The following APBB2 variants were observed in gnomAD, a reference collection of about 807,000 sequenced individuals.
The protein encoded by APBB2 is amyloid beta precursor protein binding family B member 2.
In APBB2, 38 loss-of-function variants were observed where a neutral mutation model predicts 82.5. That is an observed-to-expected ratio of 0.46 (90% CI 0.36 to 0.60). APBB2 has a LOEUF of 0.60. Ranked by LOEUF, APBB2 falls within the 20% of genes least tolerant of loss-of-function variation. APBB2 has a pLI of 0.00. For synonymous variants in APBB2, 341 were observed against 368.2 expected (o/e 0.93, Z 0.85); for missense variants, 772 against 972.3 (o/e 0.79, Z 2.74).
At chr4:41,055,646 C>A (rs1244857009) in intron 4 of APBB2, among the ~76,000 whole-genome samples, 2 of 152,228 alleles carry the variant, frequency 1.3e-5, no homozygotes, top group East Asian at 3.8e-4. Flanking sequence ...CCTCTCTCAT[C>A]TACTGAAGCA....
At chr4:40,899,991 C>T (rs561081001) in intron 10 of APBB2, among the ~76,000 whole-genome samples, 5 of 152,314 alleles carry the variant, frequency 3.3e-5, no homozygotes, top group East Asian at 1.9e-4. Flanking sequence ...GCATATCCGA[C>T]ACCCAGGGCA....
At chr4:41,123,265 G>A (rs1489532078) in intron 2 of APBB2, among the ~76,000 whole-genome samples, 12 of 151,936 alleles carry the variant, frequency 7.9e-5, no homozygotes, top group African/African-American at 2.7e-4. Flanking sequence ...GCAGACAGCC[G>A]GCACTCACTA....
At position 41,078,364 on chromosome 4, in the gene APBB2, G is replaced by A. The variant is rs572710859; in HGVS notation, c.-148-12691C>T. Among the ~76,000 whole-genome samples the A allele has an allele frequency of 2.0e-5, 3 of 152,270 alleles. No homozygotes were observed. The South Asian group carries it at 6.2e-4, about 32-fold the overall frequency. On this transcript the variant is annotated intron_variant, in intron 3 of 17. Transcript: ENST00000508593. ...GCAAGAATTTGTAAGCTATATACATGTATAATTGCAATTAAAAAATCAACT... is the reference window on the plus strand; with the variant it reads ...GCAAGAATTTGTAAGCTATATACATATATAATTGCAATTAAAAAATCAACT...
At chr4:41,133,631 G>A (rs1756708690) in intron 2 of APBB2, among the ~76,000 whole-genome samples, 1 of 151,608 alleles carries the variant, frequency 6.6e-6, no homozygotes, top group Admixed American at 6.6e-5. Flanking sequence ...GGAAAAGGAA[G>A]AAAGGGATTA....
chr4:41,197,684 C>T, intron 1 of APBB2, among the ~76,000 whole-genome samples: 1 of 152,196 alleles, frequency 6.6e-6, no homozygotes, highest in African/African-American at 2.4e-5. Context: ...TGTTGCCTGG[C>T]AAACTCCTAC....
chr4:40,890,724 C>T (rs1036960609), intron 11 of APBB2: 1 of 445,674 alleles, frequency 2.2e-6, no homozygotes, highest in Admixed American at 4.1e-5. Context: ...TGTCCCCATC[C>T]TGCTTTCCAG....
chr4:41,045,219 C>A (rs1722959920), intron 4 of APBB2, among the ~76,000 whole-genome samples: 1 of 151,882 alleles, frequency 6.6e-6, no homozygotes, highest in African/African-American at 2.4e-5. Flanking sequence ...GCTGCTCTTT[C>A]ATCTCCTGTA....
rs1446545274 is a variant in APBB2, at chr4:40,811,724, A to AAAT, written c.*4365_*4367dup. The AAAT allele has an allele frequency of 6.6e-6, 1 of 152,170 alleles. No individual in the cohort carries two copies. The highest frequency in any genetic ancestry group is 1.5e-5 in the Non-Finnish European group (1 of 68,034). 9.4% of individuals were successfully genotyped at this position (152,170 alleles called of 1,614,324 possible). ...CAATAGCAAACACATTTTTAATCTG[A>AAAT]AATTATTTACCACCATATAATGCCT... On this transcript the variant is annotated 3_prime_UTR_variant, in exon 18 of 18. Coordinates refer to ENST00000508593, the MANE Select transcript of APBB2 (RefSeq NM_004307.2).
chr4:41,038,873 A>T (rs755570288), intron 4 of APBB2, among the ~76,000 whole-genome samples: 1 of 152,238 alleles, frequency 6.6e-6, no homozygotes, highest in Admixed American at 6.5e-5. Flanking sequence ...CAGTCGTAAT[A>T]AACAGGTATC....
chr4:41,210,602 A>G (rs527641344), intron 1 of APBB2, among the ~76,000 whole-genome samples: 1 of 152,368 alleles, frequency 6.6e-6, no homozygotes, highest in African/African-American at 2.4e-5. Context: ...ATCTTCTGAC[A>G]TCTAATTTCA....
At chr4:40,928,525 C>G (rs1783265142) in intron 10 of APBB2, among the ~76,000 whole-genome samples, 1 of 151,658 alleles carries the variant, frequency 6.6e-6, no homozygotes, top group African/African-American at 2.4e-5. Context: ...TTGCAGTGAG[C>G]TGAGATTGCA....
chr4:40,845,988 G>GGTAGGTGGGT (rs1757445962), intron 12 of APBB2, among the ~76,000 whole-genome samples: 1 of 126,548 alleles, frequency 7.9e-6, no homozygotes, highest in African/African-American at 3.0e-5. Flanking sequence ...GGTGGGTGTG[G>GGTAGGTGGGT]GTGGGTGGGT....
chr4:40,908,148 C>T (rs1259995810), intron 10 of APBB2, among the ~76,000 whole-genome samples: 2 of 151,788 alleles, frequency 1.3e-5, no homozygotes, highest in Non-Finnish European at 2.9e-5. Context: ...GGCGCCCACA[C>T]AGAGAATAGG....
chr4:40,825,599 C>G (rs1021174109), intron 15 of APBB2, among the ~76,000 whole-genome samples: 1 of 152,232 alleles, frequency 6.6e-6, no homozygotes, highest in African/African-American at 2.4e-5. Context: ...CGGAGCTCTT[C>G]CACGGCCCTG....
At chr4:41,082,136 GGA>G (rs1737858294) in intron 3 of APBB2, among the ~76,000 whole-genome samples, 1 of 152,158 alleles carries the variant, frequency 6.6e-6, no homozygotes, top group Non-Finnish European at 1.5e-5. Flanking sequence ...GGATAGGTCA[GGA>G]GGGGCCATTT....
intron 5 of APBB2, among the ~76,000 whole-genome samples, chr4:41,032,741 AATT>A (rs931918950): frequency 3.3e-4 from 49 of 150,304 alleles, no homozygotes; most frequent in African/African-American, 1.1e-3. Flanking sequence ...AAGTCCAACT[AATT>A]CTTGTACTTG....
intron 4 of APBB2, among the ~76,000 whole-genome samples, chr4:41,048,844 C>G (rs1393258980): frequency 6.6e-6 from 1 of 152,150 alleles, no homozygotes; most frequent in Non-Finnish European, 1.5e-5. Flanking sequence ...GACTAGTTTT[C>G]GTATTTTTTT....
intron 4 of APBB2, among the ~76,000 whole-genome samples, chr4:41,046,992 A>G (rs980218025): frequency 5.9e-5 from 9 of 152,256 alleles, no homozygotes; most frequent in Non-Finnish European, 1.3e-4. Context: ...TCATTCCCCT[A>G]GCCTGCCTTG....
Position 40,827,542 on chromosome 4 carries a change from C to T in APBB2, c.1645-323G>A, listed in dbSNP as rs113506089. Among the ~76,000 whole-genome samples the T allele has an allele frequency of 1.4e-3, 218 of 152,306 alleles. 3 individuals carry two copies. In the East Asian group the frequency reaches 0.02, roughly 14 times the overall value. On this transcript the variant is annotated intron_variant, in intron 13 of 17. Transcript: ENST00000508593. The stretch of plus-strand genomic sequence containing the variant: ...CTCCCTGGTCTTGCATGGACCCTGC[C>T]GGCCCACAGTGGCCAGCGGCAGCCA...
Sources: gnomAD v4.1 joint callset for allele counts (sites outside exome capture counted in the v4.1 genomes callset) on GRCh38, gnomAD v4.1.1 for gene constraint, MANE v1.5 for transcripts, NCBI Gene and HGNC (gene_info 2026-07-23, HGNC 2026-07-21) for gene names.